The following BANK1 variants were observed in gnomAD, a reference collection of about 807,000 sequenced individuals.
BANK1 encodes the protein B-cell scaffold protein with ankyrin repeats.
A neutral mutation model predicts 94.5 loss-of-function variants in BANK1; 95 were observed. That is an observed-to-expected ratio of 1.00 (90% CI 0.85 to 1.19). The LOEUF is 1.19. BANK1 is among the 50% of genes most tolerant of loss of function. The pLI, the probability that BANK1 is intolerant of heterozygous loss-of-function variation, is 0.00. For synonymous variants in BANK1, 334 were observed against 308.4 expected, an observed-to-expected ratio of 1.08 and a Z score of -0.87; for missense variants, 987 against 932.2, an observed-to-expected ratio of 1.06 and a Z score of -0.77.
intron 11 of BANK1, among the ~76,000 whole-genome samples, chr4:102,047,561 A>C (rs924696086): frequency 8.5e-5 from 13 of 152,204 alleles, no homozygotes; most frequent in Non-Finnish European, 5.9e-5. Context: ...AAAGTAGATA[A>C]GATTATTTCT....
chr4:101,968,542 A>C (rs1295109323), intron 7 of BANK1, among the ~76,000 whole-genome samples: 1 of 151,892 alleles, frequency 6.6e-6, no homozygotes, highest in Non-Finnish European at 1.5e-5. Context: ...GGAGGTGTAG[A>C]GAGGAGAGTA....
chr4:101,894,726 C>G (rs1722003514), intron 5 of BANK1, among the ~76,000 whole-genome samples: 1 of 151,872 alleles, frequency 6.6e-6, no homozygotes, highest in South Asian at 2.1e-4. Context: ...GGCAGTAGAA[C>G]ACTTGAATAC....
At chr4:101,863,891 G>A (rs1408108938) in intron 4 of BANK1, among the ~76,000 whole-genome samples, 39 of 152,024 alleles carry the variant, frequency 2.6e-4, no homozygotes, top group Non-Finnish European at 2.9e-5. Context: ...AAATTAAGAA[G>A]CACTTAAATA....
chr4:101,830,010 A>C lies in BANK1; in HGVS notation c.273A>C (p.Arg91Ser). The C allele has an allele frequency of 1.2e-6, 2 of 1,613,398 alleles. No individual in the cohort carries two copies. The highest frequency in any genetic ancestry group is 1.7e-6 in the Non-Finnish European group (2 of 1,179,722). ...TGATATTATCAAATAGCCTGCTTAG[A>C]GACCTAACTCCAAAGAAATGTCAGT... ...KLLILSNSLL[R>S]DLTPKKCQFL... Residue 91 changes from arginine to serine, a missense_variant, in exon 2 of 17, where the codon AGA (arginine) becomes AGC (serine). Transcript: ENST00000322953.
Position 101,870,637 on chromosome 4 carries a change from TG to T in BANK1, c.897del (p.Leu299PhefsTer57), listed in dbSNP as rs1393847611. 1 of 1,609,874 alleles carries T rather than the reference TG, an allele frequency of 6.2e-7. No homozygotes were observed. The highest frequency in any genetic ancestry group is 1.7e-5 in the Admixed American group (1 of 59,112). On this transcript the variant is annotated frameshift_variant, in exon 5 of 17. Coordinates refer to ENST00000322953, the MANE Select transcript of BANK1 (RefSeq NM_017935.5). LOFTEE classifies it high-confidence loss of function. ...LFRMADSGES[L>X]CQNSIEELDG... ...AGAATGGCAGATTCAGGAGAGAGTT[TG>T]TGCCAGGTAAGTTAATCTTTCCACG... is the stretch of plus-strand genomic sequence containing the variant.
intron 8 of BANK1, 68 bp downstream of exon 8, chr4:102,021,660 TGGA>T: frequency 3.2e-6 from 2 of 634,812 alleles, no homozygotes; most frequent in Non-Finnish European, 4.7e-6. Flanking sequence ...ATGTGACTTA[TGGA>T]AGATGTAACT....
chr4:101,798,492 C>T (rs1452979046), intron 1 of BANK1, among the ~76,000 whole-genome samples: 1 of 152,046 alleles, frequency 6.6e-6, no homozygotes, highest in Non-Finnish European at 1.5e-5. Context: ...ATTTCTGTCT[C>T]TTCAAATGGT....
intron 1 of BANK1, among the ~76,000 whole-genome samples, chr4:101,792,490 A>G (rs1725030360): frequency 7.0e-6 from 1 of 143,426 alleles, no homozygotes; most frequent in Non-Finnish European, 1.5e-5. Flanking sequence ...TTTAATGAAG[A>G]GCTCCCTCTC....
intron 7 of BANK1, among the ~76,000 whole-genome samples, chr4:102,002,542 AATAC>A (rs1396713893): frequency 1.0e-5 from 1 of 96,576 alleles, no homozygotes; most frequent in African/African-American, 4.2e-5. Context: ...TATTAATACA[AATAC>A]ACACACACAC....
chr4:101,809,171 A>G lies in BANK1; in HGVS notation c.70+18221A>G, dbSNP rs191583299. 7.9e-5 allele frequency among the ~76,000 whole-genome samples: 12 copies of G among 152,336 alleles called. No homozygotes were observed. The East Asian group carries it at 2.3e-3, about 29-fold the overall frequency. On this transcript the variant is annotated intron_variant, in intron 1 of 16. Transcript: ENST00000322953. ...CCATGGAATACTGCTTGCTCATAAAACAGAATGAAATAATGGCCTTTCCAG... is the reference window on the plus strand; with the variant it reads ...CCATGGAATACTGCTTGCTCATAAAGCAGAATGAAATAATGGCCTTTCCAG...
At chr4:101,903,668 C>T (rs773198281) in intron 6 of BANK1, among the ~76,000 whole-genome samples, 2 of 152,292 alleles carry the variant, frequency 1.3e-5, no homozygotes, top group East Asian at 1.9e-4. Flanking sequence ...AGGATTTCCT[C>T]TAAGGATAGA....
Position 101,913,994 on chromosome 4 carries a change from A to C in BANK1, c.1010-3999A>C, listed in dbSNP as rs886510974. On this transcript the variant is annotated intron_variant, in intron 6 of 16. Transcript: ENST00000322953. The stretch of plus-strand genomic sequence containing the variant: ...CAAAACTTTCAAATCTTAAGCGTAC[A>C]ATTCAACAAAATGAAGAATTTCTAT... Among the ~76,000 whole-genome samples, 9 of 152,214 alleles carry C rather than the reference A, an allele frequency of 5.9e-5. No individual in the cohort carries two copies. The East Asian group carries it at 1.5e-3, about 26-fold the overall frequency.
intron 7 of BANK1, among the ~76,000 whole-genome samples, chr4:101,924,780 T>G (rs774788960): frequency 9.9e-5 from 15 of 151,830 alleles, no homozygotes; most frequent in Non-Finnish European, 2.2e-4. Context: ...GTGTGTGATT[T>G]GTATTTCCAA....
At chr4:101,818,079 G>A (rs1182797204) in intron 1 of BANK1, among the ~76,000 whole-genome samples, 2 of 152,052 alleles carry the variant, frequency 1.3e-5, no homozygotes, top group Non-Finnish European at 2.9e-5. Flanking sequence ...TTTGCTATGA[G>A]CAAGTTTATT....
chr4:102,051,945 C>T (rs1578480701), intron 11 of BANK1, among the ~76,000 whole-genome samples: 1 of 152,072 alleles, frequency 6.6e-6, no homozygotes, highest in African/African-American at 2.4e-5. Flanking sequence ...ATCGTGGCAG[C>T]TGCATTAGAC....
At chr4:102,026,615 G>A (rs1727105922) in intron 9 of BANK1, among the ~76,000 whole-genome samples, 1 of 152,040 alleles carries the variant, frequency 6.6e-6, no homozygotes, top group African/African-American at 2.4e-5. Flanking sequence ...ATTCACCTGA[G>A]GTCAGGAGTT....
intron 2 of BANK1, 116 bp from the exon 3 acceptor site, chr4:101,854,919 C>A: frequency 1.4e-6 from 1 of 709,108 alleles, no homozygotes; most frequent in Non-Finnish European, 2.3e-6. Flanking sequence ...CTATCTTAAA[C>A]TCAGTTCGGT....
chr4:102,052,407 C>A (rs143844374), intron 11 of BANK1, among the ~76,000 whole-genome samples: 4 of 151,854 alleles, frequency 2.6e-5, no homozygotes, highest in Admixed American at 6.6e-5. Flanking sequence ...TGAGCCACCA[C>A]GCCAGAAGGA....
chr4:102,039,543 G>T (rs576879976), intron 10 of BANK1, among the ~76,000 whole-genome samples: 1 of 152,138 alleles, frequency 6.6e-6, no homozygotes, highest in East Asian at 1.9e-4. Flanking sequence ...TTGGGAAGCT[G>T]GGGGAAACAA....
Sources: gnomAD v4.1 joint callset for allele counts (sites outside exome capture counted in the v4.1 genomes callset) on GRCh38, gnomAD v4.1.1 for gene constraint, MANE v1.5 for transcripts, NCBI Gene and HGNC (gene_info 2026-07-23, HGNC 2026-07-21) for gene names.